The following MS4A8 variants were observed in gnomAD, a reference collection of about 807,000 sequenced individuals.
MS4A8 encodes the protein membrane spanning 4-domains A8.
In MS4A8, 27 loss-of-function variants were observed where a neutral mutation model predicts 23.7. The ratio of observed to expected loss-of-function variants is 1.14; its 90% CI spans 0.84 to 1.57. MS4A8 has a LOEUF of 1.57. MS4A8 is among the 40% of genes most tolerant of loss of function. The pLI, the probability that MS4A8 is intolerant of heterozygous loss-of-function variation, is 0.00. For missense variants in MS4A8, 301 were observed against 311.4 expected, an observed-to-expected ratio of 0.97 and a Z score of 0.25; for synonymous variants, 138 against 126.3, an observed-to-expected ratio of 1.09 and a Z score of -0.62.
chr11:60,706,181 C>G (rs892855419), intron 3 of MS4A8, among the ~76,000 whole-genome samples: 1 of 152,078 alleles, frequency 6.6e-6, no homozygotes. Flanking sequence ...GTCAATGAAG[C>G]CTTTTCTAAA....
chr11:60,715,492 C>A lies in MS4A8; in HGVS notation c.*78C>A. 2 of 1,118,394 alleles carry A rather than the reference C, an allele frequency of 1.8e-6. No individual in the cohort carries two copies. Among genetic ancestry groups the A allele is most frequent in the South Asian group, 2.7e-5 (2 of 74,062 alleles). The allele number at this position is 1,118,394 out of a possible 1,614,324, so 69.3% of individuals were successfully genotyped here. On this transcript the variant is annotated 3_prime_UTR_variant, in exon 7 of 7. Transcript: ENST00000300226. ...CTTTCTGGGCTTCCATAACCCAGGTCGTTCCTGTTCTGACAGCTGAGGAAA... is the reference window on the plus strand; with the variant it reads ...CTTTCTGGGCTTCCATAACCCAGGTAGTTCCTGTTCTGACAGCTGAGGAAA...
chr11:60,712,245 C>T, intron 5 of MS4A8: 1 of 807,016 alleles, frequency 1.2e-6, no homozygotes, highest in Non-Finnish European at 1.5e-6. Flanking sequence ...CTCCTCAGTG[C>T]TCTGGGATAC....
chr11:60,702,383 C>T (rs1240011059), intron 2 of MS4A8, among the ~76,000 whole-genome samples: 1 of 152,308 alleles, frequency 6.6e-6, no homozygotes, highest in Non-Finnish European at 1.5e-5. Context: ...ATTCATGTCA[C>T]TTTCACACCA....
chr11:60,705,130 T>C (rs2088245009), intron 3 of MS4A8, among the ~76,000 whole-genome samples: 2 of 152,210 alleles, frequency 1.3e-5, no homozygotes, highest in Admixed American at 6.5e-5. Flanking sequence ...GTTCTGCAAA[T>C]GAACAGGGCT....
intron 2 of MS4A8, among the ~76,000 whole-genome samples, chr11:60,702,793 A>G (rs2088216197): frequency 6.6e-6 from 1 of 152,082 alleles, no homozygotes; most frequent in Non-Finnish European, 1.5e-5. Flanking sequence ...ATCTGCAACA[A>G]CTCTGTTTTC....
chr11:60,702,506 G>A (rs932500983), intron 2 of MS4A8, among the ~76,000 whole-genome samples: 30 of 152,304 alleles, frequency 2.0e-4, no homozygotes, highest in African/African-American at 6.3e-4. Context: ...GGGTTTAAGC[G>A]ATTCTCCCGC....
chr11:60,709,829 C>T (rs1316664552), intron 5 of MS4A8, among the ~76,000 whole-genome samples: 1 of 152,194 alleles, frequency 6.6e-6, no homozygotes. Flanking sequence ...TCTTAAAAAA[C>T]AAACCAACCC....
intron 6 of MS4A8, 69 bp from the exon 7 acceptor site, chr11:60,715,241 C>T (rs771546095): frequency 8.5e-5 from 129 of 1,511,426 alleles, no homozygotes; most frequent in Non-Finnish European, 1.0e-4. Flanking sequence ...AGTAGTTCCT[C>T]GGTGTCCGAG....
chr11:60,713,343 C>T (rs1002796626), intron 5 of MS4A8, among the ~76,000 whole-genome samples: 3 of 152,070 alleles, frequency 2.0e-5, no homozygotes, highest in Non-Finnish European at 4.4e-5. Context: ...TGGGCACTGG[C>T]CTCTGAGTTC....
chr11:60,705,983 T>C (rs2088252251), intron 3 of MS4A8, among the ~76,000 whole-genome samples: 1 of 152,112 alleles, frequency 6.6e-6, no homozygotes, highest in South Asian at 2.1e-4. Context: ...TGAGGCGAGG[T>C]TGAACAAGTA....
At chr11:60,709,787 G>A (rs1046861510) in intron 5 of MS4A8, among the ~76,000 whole-genome samples, 1 of 152,084 alleles carries the variant, frequency 6.6e-6, no homozygotes, top group African/African-American at 2.4e-5. Flanking sequence ...CTTTGCTGGG[G>A]CTTTTGCATC....
chr11:60,704,855 AACAAACACACATACACACAC>A (rs2088241242), intron 3 of MS4A8, among the ~76,000 whole-genome samples: 3 of 6,716 alleles, frequency 4.5e-4, no homozygotes, highest in Non-Finnish European at 9.7e-4. Flanking sequence ...CACACATACA[AACAAACACACATACACACAC>A]ACACACATAC....
intron 3 of MS4A8, among the ~76,000 whole-genome samples, chr11:60,705,522 T>G (rs1405400432): frequency 6.6e-6 from 1 of 152,228 alleles, no homozygotes; most frequent in East Asian, 1.9e-4. Context: ...ATCAATATCC[T>G]CTTCTGAAAC....
chr11:60,712,803 AAAT>A (rs1212455108), intron 5 of MS4A8, among the ~76,000 whole-genome samples: 28 of 151,748 alleles, frequency 1.8e-4, no homozygotes, highest in African/African-American at 6.3e-4. Context: ...AAAAAAAAAA[AAAT>A]TAAAAAATCA....
chr11:60,712,592 A>G lies in MS4A8; in HGVS notation c.535-2429A>G. 4 of 672,082 alleles carry G rather than the reference A, an allele frequency of 6.0e-6. No individual in the cohort carries two copies. The South Asian group carries it at 2.7e-4, about 45-fold the overall frequency. The allele number at this position is 672,082 out of a possible 1,614,324, so 41.6% of individuals were successfully genotyped here. A position where few individuals can be genotyped will look rare whatever the true frequency, so the allele number is the denominator to read the frequency against. The stretch of plus-strand genomic sequence containing the variant: ...GTGGATCACTTGAGCTCAGGAGTTC[A>G]AGACCAGCCTGGGCAACATGGCGAA... On this transcript the variant is annotated intron_variant, in intron 5 of 6. Coordinates refer to ENST00000300226, the MANE Select transcript of MS4A8 (RefSeq NM_031457.2).
At chr11:60,706,844 C>A in intron 3 of MS4A8, 144 bp from the exon 4 acceptor site, 2 of 720,320 alleles carry the variant, frequency 2.8e-6, no homozygotes, top group East Asian at 2.5e-5. Flanking sequence ...TCAGGCAGTG[C>A]AAAACAGCTC....
intron 1 of MS4A8, among the ~76,000 whole-genome samples, chr11:60,700,321 G>A (rs1055394609): frequency 1.3e-5 from 2 of 152,204 alleles, no homozygotes; most frequent in Admixed American, 6.5e-5. Flanking sequence ...CGAGGCAAGC[G>A]GATCGCCTGA....
intron 1 of MS4A8, among the ~76,000 whole-genome samples, chr11:60,700,226 A>G (rs749175355): frequency 1.3e-5 from 2 of 152,244 alleles, no homozygotes; most frequent in Non-Finnish European, 2.9e-5. Flanking sequence ...TTCAGCCAGT[A>G]CTAACATATG....
chr11:60,701,355 C>T, intron 2 of MS4A8: 1 of 558,706 alleles, frequency 1.8e-6, no homozygotes, highest in Non-Finnish European at 3.4e-6. Context: ...TGCCAGGATC[C>T]ACGCCCAGCC....
Sources: allele counts gnomAD v4.1 joint callset (sites outside exome capture counted in the v4.1 genomes callset), GRCh38; gene constraint gnomAD v4.1.1; transcripts MANE v1.5; gene names NCBI Gene and HGNC (gene_info 2026-07-23, HGNC 2026-07-21).